DAAM1: variants seen among roughly 807,000 people sequenced by gnomAD.
DAAM1 encodes dishevelled associated activator of morphogenesis 1.
DAAM1 carries 52 observed loss-of-function variants against 130.0 expected under a neutral mutation model. The ratio of observed to expected loss-of-function variants is 0.40; its 90% confidence interval spans 0.32 to 0.50. The LOEUF (loss-of-function observed/expected upper bound fraction) is 0.50, where lower values mean the gene tolerates loss of function less well. Ranked by LOEUF, DAAM1 falls within the 20% of genes least tolerant of loss-of-function variation. The probability of loss-of-function intolerance (pLI) is 0.61; values close to 1 mark genes in which losing one functional copy is unlikely to be tolerated. For synonymous variants in DAAM1, 452 were observed against 444.5 expected, an observed-to-expected ratio of 1.02 and a Z score of -0.21; for missense variants, 1,134 against 1,303.8, an observed-to-expected ratio of 0.87 and a Z score of 2.01.
At chr14:59,292,736 T>C (rs1237593948) in intron 3 of DAAM1, among the ~76,000 whole-genome samples, 2 of 152,240 alleles carry the variant, frequency 1.3e-5, no homozygotes, top group Admixed American at 6.5e-5. Flanking sequence ...GTGGTCAGCC[T>C]TAACCCCTCA....
chr14:59,353,915 C>G lies in DAAM1; in HGVS notation c.2307C>G (p.Phe769Leu). The G allele has an allele frequency of 6.2e-7, 1 of 1,614,014 alleles. No homozygotes were observed. The change falls in exon 19 of 25, where the codon TTC becomes TTG. Residue 769 changes from phenylalanine (F) to leucine (L), a missense_variant. Transcript: ENST00000360909. ...AGCAAAGGTTGCAATCGCTGTACTTCAAAAAGAAGTTTGCAGAGCGTGTGG... is the reference window on the plus strand; with the variant it reads ...AGCAAAGGTTGCAATCGCTGTACTTGAAAAAGAAGTTTGCAGAGCGTGTGG... The part of the protein sequence containing the change: ...HYQQRLQSLY[F>L]KKKFAERVAE...
At chr14:59,352,673 C>G (rs770323320) in intron 18 of DAAM1, 41 bp downstream of exon 18, 3 of 1,520,052 alleles carry the variant, frequency 2.0e-6, no homozygotes, top group Non-Finnish European at 9.0e-7. Context: ...TGTCACTTCC[C>G]TTTCTAAGCT....
intron 3 of DAAM1, among the ~76,000 whole-genome samples, chr14:59,302,939 C>T (rs1287170367): frequency 6.6e-6 from 1 of 152,192 alleles, no homozygotes; most frequent in Admixed American, 6.5e-5. Flanking sequence ...CAGGCATGAG[C>T]CACCGTGCCC....
intron 1 of DAAM1, among the ~76,000 whole-genome samples, chr14:59,233,557 T>G (rs918118410): frequency 1.3e-5 from 2 of 152,232 alleles, no homozygotes; most frequent in African/African-American, 4.8e-5. Context: ...ATGGGTAGAT[T>G]GCAAACATTT....
intron 1 of DAAM1, among the ~76,000 whole-genome samples, chr14:59,214,024 C>T (rs1320959723): frequency 2.0e-5 from 3 of 152,218 alleles, no homozygotes; most frequent in Non-Finnish European, 2.9e-5. Context: ...TCACACTTAA[C>T]GTACCTGGTT....
intron 4 of DAAM1, among the ~76,000 whole-genome samples, chr14:59,319,716 T>A (rs78626699): frequency 0.071 from 10,824 of 152,242 alleles, 457 homozygotes; most frequent in Non-Finnish European, 0.098. Flanking sequence ...ACTGGCATTC[T>A]CAATTTTATA....
intron 3 of DAAM1, among the ~76,000 whole-genome samples, chr14:59,294,043 G>A (rs1004359278): frequency 6.6e-6 from 1 of 152,184 alleles, no homozygotes; most frequent in Non-Finnish European, 1.5e-5. Flanking sequence ...CCAGGGCTCT[G>A]TCACATTTCC....
intron 12 of DAAM1, among the ~76,000 whole-genome samples, chr14:59,329,221 A>C (rs936285464): frequency 6.6e-6 from 1 of 152,198 alleles, no homozygotes; most frequent in Non-Finnish European, 1.5e-5. Flanking sequence ...GTTCTCAGGT[A>C]ATTCTGAGAC....
At chr14:59,308,744 A>G (rs1399039810) in intron 3 of DAAM1, among the ~76,000 whole-genome samples, 1 of 152,048 alleles carries the variant, frequency 6.6e-6, no homozygotes, top group Non-Finnish European at 1.5e-5. Flanking sequence ...GAGAAGGTTT[A>G]CTCTTTCTTC....
At chr14:59,354,078 T>A (rs1886384227) in intron 19 of DAAM1, 114 bp downstream of exon 19, 1 of 736,224 alleles carries the variant, frequency 1.4e-6, no homozygotes, top group Non-Finnish European at 2.1e-6. Context: ...TTTTTTTTTT[T>A]GAGACGGAGT....
chr14:59,239,715 G>A (rs1272668), intron 1 of DAAM1, among the ~76,000 whole-genome samples: 149,795 of 152,252 alleles, frequency 0.98, 73,733 homozygotes, highest in East Asian at 1. Context: ...GGAGTTGGAC[G>A]TGAATGGCTA....
At chr14:59,292,066 T>G (rs894008038) in intron 3 of DAAM1, among the ~76,000 whole-genome samples, 1 of 152,102 alleles carries the variant, frequency 6.6e-6, no homozygotes, top group African/African-American at 2.4e-5. Flanking sequence ...CTGCCAACTT[T>G]TAAACCCTGT....
At chr14:59,338,366 G>A in intron 15 of DAAM1, 3 of 1,613,412 alleles carry the variant, frequency 1.9e-6, no homozygotes, top group Middle Eastern at 1.7e-4. Context: ...CCTTTTCCAT[G>A]CCTCTGCCAT....
intron 1 of DAAM1, among the ~76,000 whole-genome samples, chr14:59,192,780 G>A (rs1887769896): frequency 1.3e-5 from 2 of 152,210 alleles, no homozygotes; most frequent in Non-Finnish European, 2.9e-5. Context: ...TAGGCCGGGC[G>A]CGGTGGCTCA....
At chr14:59,191,244 T>C (rs936855053) in intron 1 of DAAM1, among the ~76,000 whole-genome samples, 2 of 152,112 alleles carry the variant, frequency 1.3e-5, no homozygotes, top group Non-Finnish European at 1.5e-5. Context: ...GGTAGCTACA[T>C]CCCCATGAGG....
At chr14:59,263,068 TA>T (rs1488668143) in intron 1 of DAAM1, among the ~76,000 whole-genome samples, 2 of 152,152 alleles carry the variant, frequency 1.3e-5, no homozygotes, top group Non-Finnish European at 2.9e-5. Context: ...AGAGATCTCC[TA>T]GGGGGCAAGG....
intron 16 of DAAM1, among the ~76,000 whole-genome samples, chr14:59,342,195 T>C (rs1181065402): frequency 6.6e-6 from 1 of 152,184 alleles, no homozygotes; most frequent in East Asian, 1.9e-4. Context: ...TCCAGTTTAG[T>C]GTATAAGTAT....
chr14:59,371,246 G>A lies in DAAM1; in HGVS notation c.*2387G>A, dbSNP rs1415245409. The A allele has an allele frequency of 6.6e-6, 1 of 151,632 alleles. No homozygotes were observed. Among genetic ancestry groups the A allele is most frequent in the Non-Finnish European group, 1.5e-5 (1 of 67,916 alleles). The allele number at this position is 151,632 out of a possible 1,614,324, so 9.4% of individuals were successfully genotyped here. ...GCATAATTTGTAAACTTAATTATAT[G>A]TCTTATATCTTATTAGCTTAGTAGT... On this transcript the variant is annotated 3_prime_UTR_variant, in exon 25 of 25. Transcript: ENST00000360909.
In DAAM1 at chr14:59,363,640, C is replaced by G. The variant is rs370804051; in HGVS notation, c.2695-11C>G. 5.1e-5 allele frequency: 83 copies of G among 1,613,888 alleles called. No homozygotes were observed. In the African/African-American group the frequency reaches 9.6e-4, roughly 19 times the overall value. ...AGCCTGCATTGACATTATTCATTTC[C>G]TGTGTTTAAGGAGCTGGAATATCAG... On this transcript the variant is annotated splice_polypyrimidine_tract_variant and intron_variant, in intron 22 of 24. Transcript: ENST00000360909.
Sources: gnomAD v4.1 joint callset for allele counts (sites outside exome capture counted in the v4.1 genomes callset) on GRCh38, gnomAD v4.1.1 for gene constraint, MANE v1.5 for transcripts, NCBI Gene and HGNC (gene_info 2026-07-23, HGNC 2026-07-21) for gene names.